The following DHCR24 variants were observed in gnomAD, a reference collection of about 807,000 sequenced individuals.
The protein encoded by DHCR24 is delta(24)-sterol reductase.
DHCR24 carries 28 observed loss-of-function variants against 61.2 expected under a neutral mutation model. The observed-to-expected ratio is 0.46, with a 90% CI of 0.34 to 0.63. The LOEUF is 0.63. DHCR24 is among the 20% of genes least tolerant of loss of function. DHCR24 has a pLI of 0.01. For synonymous variants in DHCR24, 261 were observed against 275.9 expected (o/e 0.95, Z 0.54); for missense variants, 538 against 679.1 (o/e 0.79, Z 2.31).
At chr1:54,875,804 G>A in intron 3 of DHCR24, 138 bp downstream of exon 3, 1 of 733,936 alleles carries the variant, frequency 1.4e-6, no homozygotes, top group South Asian at 1.5e-5. Flanking sequence ...CATTGGAGCA[G>A]GCAAGTAAGA....
Position 54,871,458 on chromosome 1 carries a change from G to A in DHCR24, c.768C>T (p.Thr256=), listed in dbSNP as rs1226903077. 6.2e-7 allele frequency: 1 copy of A among 1,614,084 alleles called. No individual in the cohort carries two copies. The highest frequency in any genetic ancestry group is 8.5e-7 in the Non-Finnish European group (1 of 1,180,034). Residue 256 remains threonine (T), a synonymous_variant, in exon 5 of 9, where the codon ACC becomes ACT. Coordinates refer to ENST00000371269, the MANE Select transcript of DHCR24 (RefSeq NM_014762.4). The stretch of plus-strand genomic sequence containing the variant: ...GGTTCTCCTGCCGCTGGGACTCGTG[G>A]GTGAACTTGGCACAGATAGCCTCCA... ...RGLEAICAKF[T]HESQRQENHF...
intron 5 of DHCR24, among the ~76,000 whole-genome samples, chr1:54,867,683 C>T (rs759623980): frequency 1.5e-4 from 23 of 152,110 alleles, no homozygotes; most frequent in Non-Finnish European, 2.8e-4. Context: ...GCTTTCCTAC[C>T]CCTGAGAGCC....
At chr1:54,856,540 T>A (rs555084143) in intron 6 of DHCR24, among the ~76,000 whole-genome samples, 41 of 151,906 alleles carry the variant, frequency 2.7e-4, no homozygotes, top group Non-Finnish European at 4.7e-4. Context: ...AGGCGGAGGT[T>A]GCAGTGAGCC....
rs74072040 is a variant in DHCR24, at chr1:54,858,257, A to G, written c.1021-4023T>C. Among the ~76,000 whole-genome samples, 1,116 of 152,358 alleles carry G rather than the reference A, an allele frequency of 7.3e-3. 14 individuals carry two copies. Among genetic ancestry groups the G allele is most frequent in the African/African-American group, 0.026 (1,065 of 41,586 alleles). The stretch of plus-strand genomic sequence containing the variant: ...TGCCTCATCCAAGGTCAGTCTGCAC[A>G]ATGACTGGTTGATGGGGCAGCATTT... On this transcript the variant is annotated intron_variant, in intron 6 of 8. Transcript: ENST00000371269.
chr1:54,883,521 C>T lies in DHCR24; in HGVS notation c.387+97G>A, dbSNP rs774974076. ...ACTGTGGGCATTGGTCCTGTCCACT[C>T]TGCAATGCCCTTGGCTAAAATCATC... On this transcript the variant is annotated intron_variant, in intron 2 of 8. Coordinates refer to ENST00000371269, the MANE Select transcript of DHCR24 (RefSeq NM_014762.4). This position sits in a 1 kb window ranked among gnomAD's most constrained non-coding sequence, Gnocchi z 4.3. 327 of 1,468,458 alleles carry T rather than the reference C, an allele frequency of 2.2e-4. No homozygotes were observed. Among genetic ancestry groups the T allele is most frequent in the Non-Finnish European group, 2.9e-4 (302 of 1,050,074 alleles). The allele number at this position is 1,468,458 out of a possible 1,614,324, so 91.0% of individuals were successfully genotyped here. A position where few individuals can be genotyped will look rare whatever the true frequency, so the allele number is the denominator to read the frequency against.
At chr1:54,882,680 T>C (rs973781436) in intron 2 of DHCR24, among the ~76,000 whole-genome samples, 1 of 152,238 alleles carries the variant, frequency 6.6e-6, no homozygotes, top group African/African-American at 2.4e-5. Flanking sequence ...GAATGAACTA[T>C]TGACACACCT....
At chr1:54,869,975 A>C (rs1441527529) in intron 5 of DHCR24, among the ~76,000 whole-genome samples, 1 of 152,054 alleles carries the variant, frequency 6.6e-6, no homozygotes, top group Non-Finnish European at 1.5e-5. Flanking sequence ...GAATCGTGTG[A>C]ACCTGGGAGA....
rs1254584094 is a variant in DHCR24, at chr1:54,851,643, G to C, written c.*590C>G. 1.3e-5 allele frequency: 2 copies of C among 156,592 alleles called. No individual in the cohort carries two copies. Among genetic ancestry groups the C allele is most frequent in the Admixed American group, 6.2e-5 (1 of 16,218 alleles). 9.7% of individuals were successfully genotyped at this position (156,592 alleles called of 1,614,324 possible). A position where few individuals can be genotyped will look rare whatever the true frequency, so the allele number is the denominator to read the frequency against. On this transcript the variant is annotated 3_prime_UTR_variant, in exon 9 of 9. Transcript: ENST00000371269. ...CTGGCTTTGGCACAGCGCATCTGGG[G>C]CCTCCCCACTCCGTGGCTGCCCTCC... is the stretch of plus-strand genomic sequence containing the variant.
At chr1:54,878,826 A>G (rs1425509622) in intron 2 of DHCR24, among the ~76,000 whole-genome samples, 2 of 152,208 alleles carry the variant, frequency 1.3e-5, no homozygotes, top group Non-Finnish European at 2.9e-5. Context: ...AAAATGTCAG[A>G]GTATCACAAT....
At chr1:54,878,208 A>G (rs1036415329) in intron 2 of DHCR24, among the ~76,000 whole-genome samples, 1 of 151,918 alleles carries the variant, frequency 6.6e-6, no homozygotes, top group Admixed American at 6.6e-5. Context: ...ACTGCCAGAA[A>G]AGACAACAGG....
At chr1:54,881,221 T>G (rs1647062379) in intron 2 of DHCR24, among the ~76,000 whole-genome samples, 1 of 152,092 alleles carries the variant, frequency 6.6e-6, no homozygotes, top group Non-Finnish European at 1.5e-5. Context: ...TATTTGCAAA[T>G]CATGAATCTA....
chr1:54,854,162 G>A lies in DHCR24; in HGVS notation c.1093C>T (p.Leu365Phe). Residue 365 changes from leucine to phenylalanine, a missense_variant, in exon 7 of 9, where the codon CTC becomes TTC. Transcript: ENST00000371269. ...GTCTCACCCTGGGTCAGCTTCAGGA[G>A]GGAGATCTTGGGAGGCACCATCCAG... ...FGWMVPPKIS[L>F]LKLTQGETLR... 6.2e-7 allele frequency: 1 copy of A among 1,614,122 alleles called. No homozygotes were observed. Among genetic ancestry groups the A allele is most frequent in the Non-Finnish European group, 8.5e-7 (1 of 1,179,986 alleles).
At chr1:54,884,493 C>T (rs1042407647) in intron 1 of DHCR24, among the ~76,000 whole-genome samples, 11 of 152,112 alleles carry the variant, frequency 7.2e-5, no homozygotes, top group Admixed American at 2.0e-4. Flanking sequence ...AGGTAAGTGA[C>T]CAGAGCACAA....
rs558246271 is a variant in DHCR24 at position 54,861,098 on chromosome 1, C to G, written c.1020+4205G>C. Among the ~76,000 whole-genome samples the G allele has an allele frequency of 2.0e-5, 3 of 152,250 alleles. No homozygotes were observed. The South Asian group carries it at 6.2e-4, about 32-fold the overall frequency. On this transcript the variant is annotated intron_variant, in intron 6 of 8. Coordinates refer to ENST00000371269, the MANE Select transcript of DHCR24 (RefSeq NM_014762.4). ...CCTTCTTTCTTTACATTCCAGTGATCTTATCTTCCACATGTCCTTGGCCAC... is the reference window on the plus strand; with the variant it reads ...CCTTCTTTCTTTACATTCCAGTGATGTTATCTTCCACATGTCCTTGGCCAC...
At chr1:54,854,614 A>AAT (rs1348071735) in intron 6 of DHCR24, among the ~76,000 whole-genome samples, 1 of 152,238 alleles carries the variant, frequency 6.6e-6, no homozygotes, top group Non-Finnish European at 1.5e-5. Flanking sequence ...ATCTGGCTGG[A>AAT]ATAGAGCTGG....
intron 2 of DHCR24, among the ~76,000 whole-genome samples, chr1:54,877,081 T>C (rs987692533): frequency 6.6e-6 from 1 of 151,866 alleles, no homozygotes; most frequent in Admixed American, 6.5e-5. Flanking sequence ...CTAATCAGAA[T>C]ATGCATCTAT....
At chr1:54,854,807 G>A (rs1646897756) in intron 6 of DHCR24, among the ~76,000 whole-genome samples, 1 of 152,112 alleles carries the variant, frequency 6.6e-6, no homozygotes, top group Non-Finnish European at 1.5e-5. Flanking sequence ...CTGACCACCC[G>A]CCTGGCTCCC....
At chr1:54,881,852 C>A (rs916544750) in intron 2 of DHCR24, among the ~76,000 whole-genome samples, 11 of 152,168 alleles carry the variant, frequency 7.2e-5, no homozygotes, top group African/African-American at 2.7e-4. Flanking sequence ...AAGCCATTAT[C>A]CTTAGCAAAC....
intron 2 of DHCR24, among the ~76,000 whole-genome samples, chr1:54,878,581 GGA>G (rs367866000): frequency 6.7e-6 from 1 of 149,592 alleles, no homozygotes; most frequent in African/African-American, 2.5e-5. Flanking sequence ...ACACAGGGCA[GGA>G]GATAGTGTCT....
Sources: gnomAD v4.1 joint callset for allele counts (sites outside exome capture counted in the v4.1 genomes callset) on GRCh38, gnomAD v4.1.1 for gene constraint, Gnocchi (gnomAD v3.1) non-coding constraint, MANE v1.5 for transcripts, NCBI Gene and HGNC (gene_info 2026-07-23, HGNC 2026-07-21) for gene names.